The following ZBTB46 variants were observed in gnomAD, a reference collection of about 807,000 sequenced individuals.
The protein encoded by ZBTB46 is zinc finger and BTB domain containing 46, also known as zinc finger and BTB domain-containing protein 46.
Under a neutral mutation model 44.1 loss-of-function variants are expected in ZBTB46, and 8 were observed. The ratio of observed to expected loss-of-function variants is 0.18; its 90% CI spans 0.11 to 0.33. The LOEUF is 0.33. ZBTB46 is among the 10% of genes least tolerant of loss of function. ZBTB46 has a pLI of 1.00. For synonymous variants in ZBTB46, 409 were observed against 382.3 expected, an observed-to-expected ratio of 1.07 and a Z score of -0.81; for missense variants, 651 against 847.7, an observed-to-expected ratio of 0.77 and a Z score of 2.88.
chr20:63,798,674 CAAAAAAAAA>C (rs71197435), intron 1 of ZBTB46, among the ~76,000 whole-genome samples: 3 of 18,740 alleles, frequency 1.6e-4, no homozygotes, highest in Non-Finnish European at 2.4e-4. Context: ...GACTCTGTCT[CAAAAAAAAA>C]AAAAAAAAAA....
chr20:63,764,906 T>C (rs1248808094), intron 3 of ZBTB46, among the ~76,000 whole-genome samples: 1 of 149,666 alleles, frequency 6.7e-6, no homozygotes, highest in African/African-American at 2.4e-5. Context: ...GCCCTCTGGC[T>C]GCTTTTAAGA....
intron 3 of ZBTB46, among the ~76,000 whole-genome samples, chr20:63,772,754 CACACACA>C (rs2092387092): frequency 1.6e-5 from 1 of 61,308 alleles, no homozygotes; most frequent in African/African-American, 6.6e-5. Flanking sequence ...CACACACACA[CACACACA>C]CACACAGAAG....
intron 4 of ZBTB46, among the ~76,000 whole-genome samples, chr20:63,749,382 G>T (rs190910351): frequency 6.6e-6 from 1 of 152,102 alleles, no homozygotes; most frequent in East Asian, 1.9e-4. Flanking sequence ...TGTCACCCAG[G>T]CTGGAGTGTA....
intron 3 of ZBTB46, among the ~76,000 whole-genome samples, chr20:63,762,506 T>C (rs748267692): frequency 2.0e-5 from 3 of 151,948 alleles, no homozygotes; most frequent in Non-Finnish European, 4.4e-5. Flanking sequence ...ACACAAAAAA[T>C]GAGCCAGGGT....
intron 2 of ZBTB46, among the ~76,000 whole-genome samples, chr20:63,785,217 C>T (rs1185372525): frequency 1.3e-5 from 1 of 77,098 alleles, no homozygotes; most frequent in Non-Finnish European, 2.3e-5. Context: ...GGCAACAGAG[C>T]GAGACTCAAA....
chr20:63,781,242 C>A (rs149375908), intron 2 of ZBTB46, among the ~76,000 whole-genome samples: 294 of 151,844 alleles, frequency 1.9e-3, no homozygotes, highest in African/African-American at 6.9e-3. Context: ...ACGAGAACAC[C>A]TAGGAACTCT....
chr20:63,791,993 C>A (rs2092564727), intron 1 of ZBTB46, among the ~76,000 whole-genome samples: 1 of 152,172 alleles, frequency 6.6e-6, no homozygotes. Flanking sequence ...CCCCAGCCGG[C>A]GTTCTGTGTG....
chr20:63,748,921 G>A (rs1435049890), intron 4 of ZBTB46, among the ~76,000 whole-genome samples: 1 of 152,192 alleles, frequency 6.6e-6, no homozygotes, highest in Non-Finnish European at 1.5e-5. Flanking sequence ...GACCTCTGAC[G>A]GGCAGGCACC....
chr20:63,761,608 T>A (rs1448169423), intron 3 of ZBTB46, among the ~76,000 whole-genome samples: 2 of 151,850 alleles, frequency 1.3e-5, no homozygotes, highest in Non-Finnish European at 2.9e-5. Context: ...ATAGTGGAAC[T>A]CTGTCTCTAC....
chr20:63,818,773 G>A (rs568308240), intron 1 of ZBTB46, among the ~76,000 whole-genome samples: 395 of 150,842 alleles, frequency 2.6e-3, no homozygotes, highest in Non-Finnish European at 4.2e-3. Flanking sequence ...CAGGAGAATC[G>A]CTTGAAACTG....
chr20:63,825,065 C>T lies in ZBTB46; in HGVS notation c.-34+6032G>A, dbSNP rs6011165. Among the ~76,000 whole-genome samples the T allele has an allele frequency of 2.2e-3, 198 of 88,328 alleles. 21 individuals are homozygous for T. Among genetic ancestry groups the T allele is most frequent in the East Asian group, 0.011 (14 of 1,268 alleles). The allele number at this position is 88,328 out of a possible 152,430, so 57.9% of individuals were successfully genotyped here. ...CCGTCTCACCGTCATCAAACCCTCC[C>T]TCCCCCATCTTCCCATCACTGCACC... is the stretch of plus-strand genomic sequence containing the variant. On this transcript the variant is annotated intron_variant, in intron 1 of 4. Coordinates refer to ENST00000245663, the MANE Select transcript of ZBTB46 (RefSeq NM_001369741.1).
intron 3 of ZBTB46, among the ~76,000 whole-genome samples, chr20:63,758,074 CCCATCCAGAGCTCACACTCCCTCCACCTG>C (rs2092239255): frequency 3.8e-5 from 1 of 26,284 alleles, no homozygotes; most frequent in Non-Finnish European, 6.9e-5. Flanking sequence ...CCTCCACCCG[CCCATCCAGAGCTCACACTCCCTCCACCTG>C]CCCATCCAGG....
intron 1 of ZBTB46, among the ~76,000 whole-genome samples, chr20:63,797,353 T>C (rs1286185156): frequency 2.0e-5 from 3 of 152,176 alleles, no homozygotes; most frequent in African/African-American, 7.2e-5. Context: ...TATGGCTGCA[T>C]AGTATTCTAT....
chr20:63,796,927 T>C (rs2092608270), intron 1 of ZBTB46, among the ~76,000 whole-genome samples: 1 of 152,122 alleles, frequency 6.6e-6, no homozygotes, highest in Admixed American at 6.6e-5. Context: ...CCCAACACTT[T>C]GGGAGGCTGA....
intron 1 of ZBTB46, among the ~76,000 whole-genome samples, chr20:63,818,539 T>C (rs1405476650): frequency 1.3e-5 from 2 of 152,124 alleles, no homozygotes; most frequent in Admixed American, 6.5e-5. Context: ...CTGATAGTTA[T>C]GTATTCATGT....
chr20:63,789,908 G>C lies in ZBTB46; in HGVS notation c.850C>G (p.Gln284Glu). The change falls in exon 2 of 5, where the codon CAG (glutamine) becomes GAG (glutamate). Residue 284 changes from glutamine (Q) to glutamate (E), a missense_variant. Transcript: ENST00000245663. Reference protein sequence around the residue: ...KNKETVRHITQQVEDDSRASS... With the variant: ...KNKETVRHITEQVEDDSRASS... ...GCCCGGCTGTCATCTTCCACCTGCT[G>C]TGTGATGTGCCGGACGGTCTCTTTG... 6.2e-7 allele frequency: 1 copy of C among 1,614,062 alleles called. No individual in the cohort carries two copies. Among genetic ancestry groups the C allele is most frequent in the Non-Finnish European group, 8.5e-7 (1 of 1,180,044 alleles).
intron 2 of ZBTB46, among the ~76,000 whole-genome samples, chr20:63,778,100 C>T (rs6122169): frequency 0.54 from 82,169 of 151,614 alleles, 22,425 homozygotes; most frequent in South Asian, 0.62. Context: ...TCTAAGGGGA[C>T]TGTGCTGATG....
chr20:63,773,116 G>C (rs6062522), intron 3 of ZBTB46, among the ~76,000 whole-genome samples: 41,275 of 152,066 alleles, frequency 0.27, 5,923 homozygotes, highest in African/African-American at 0.37. Flanking sequence ...GACCCCATCT[G>C]CTGCACACAC....
chr20:63,791,625 G>C (rs1430007874), intron 1 of ZBTB46, among the ~76,000 whole-genome samples: 1 of 152,154 alleles, frequency 6.6e-6, no homozygotes, highest in Non-Finnish European at 1.5e-5. Flanking sequence ...TTCTGGAGGA[G>C]GGAGGCTTCC....
Sources: allele counts gnomAD v4.1 joint callset (sites outside exome capture counted in the v4.1 genomes callset), GRCh38; gene constraint gnomAD v4.1.1; transcripts MANE v1.5; gene names NCBI Gene and HGNC (gene_info 2026-07-23, HGNC 2026-07-21).